PYGM: variants seen among roughly 807,000 people sequenced by gnomAD.
PYGM encodes glycogen phosphorylase, muscle associated, also known as glycogen phosphorylase, muscle form.
Under a neutral mutation model 99.3 loss-of-function variants are expected in PYGM, and 81 were observed. The ratio of observed to expected loss-of-function variants is 0.82; its 90% CI spans 0.68 to 0.98. The LOEUF (loss-of-function observed/expected upper bound fraction) is 0.98, where lower values mean the gene tolerates loss of function less well. PYGM is among the 50% of genes least tolerant of loss of function. The pLI, the probability that PYGM is intolerant of heterozygous loss-of-function variation, is 0.00. For synonymous variants in PYGM, 436 were observed against 451.5 expected (o/e 0.97, Z 0.44); for missense variants, 1,030 against 1,158.1 (o/e 0.89, Z 1.61).
rs1477178380 is a variant in PYGM, at chr11:64,746,917, T to C, written c.2379+4A>G. The C allele has an allele frequency of 6.2e-7, 1 of 1,614,034 alleles. No individual in the cohort carries two copies. The highest frequency in any genetic ancestry group is 8.5e-7 in the Non-Finnish European group (1 of 1,180,016). ...CTGCCAACCCCTGGCCCAGGACCCC[T>C]CACCTTGTACAAGGCGCTGACTTTC... On this transcript the variant is annotated splice_donor_region_variant and intron_variant, in intron 19 of 19. Transcript: ENST00000164139.
At position 64,751,387 on chromosome 11, in the gene PYGM, G is replaced by T; in HGVS notation, c.1907C>A (p.Ala636Glu). ...AIGDVVNHDP[A>E]VGDRLRVIFL... is the part of the protein sequence containing the mutation. ...GATGACACGGAGGCGGTCACCCACT[G>T]CCGGGTCATGGTTGACCACATCCCC... Residue 636 changes from alanine to glutamate, a missense_variant, in exon 16 of 20, where the codon GCA becomes GAA. Transcript: ENST00000164139. 6.2e-7 allele frequency: 1 copy of T among 1,614,158 alleles called. No homozygotes were observed. The highest frequency in any genetic ancestry group is 8.5e-7 in the Non-Finnish European group (1 of 1,180,026).
In PYGM at chr11:64,755,728, G is replaced by C. The variant is rs112802772; in HGVS notation, c.661-170C>G. ...GCAAACCCCATAGTCTCTCTGGACC[G>C]CATCTAGAGCAAAGACACCCTCAAC... On this transcript the variant is annotated intron_variant, in intron 5 of 19. Transcript: ENST00000164139. This position sits in a 1 kb window ranked among gnomAD's most constrained non-coding sequence, Gnocchi z 4.1. Among the ~76,000 whole-genome samples the C allele has an allele frequency of 6.6e-6, 1 of 152,206 alleles. No individual in the cohort carries two copies. Among genetic ancestry groups the C allele is most frequent in the Non-Finnish European group, 1.5e-5 (1 of 68,032 alleles).
chr11:64,757,310 G>A (rs1047921609), intron 5 of PYGM, among the ~76,000 whole-genome samples: 2 of 151,998 alleles, frequency 1.3e-5, no homozygotes, highest in African/African-American at 2.4e-5. Context: ...CTGTCACCTC[G>A]GCCTTCTAAA....
rs772950956 is a variant in PYGM at position 64,755,406 on chromosome 11, C to T, written c.772+41G>A. 40 of 1,612,238 alleles carry T rather than the reference C, an allele frequency of 2.5e-5. No homozygotes were observed. In the Admixed American group the frequency reaches 4.8e-4, roughly 19 times the overall value. On this transcript the variant is annotated intron_variant, in intron 6 of 19. Transcript: ENST00000164139. This position sits in a 1 kb window ranked among gnomAD's most constrained non-coding sequence, Gnocchi z 4.1. ...TAAGGCCTGCGCTGGGCGTGGCCGGCGGGCAAGCTGGGGTTGCTGGCTACC... is the reference window on the plus strand; with the variant it reads ...TAAGGCCTGCGCTGGGCGTGGCCGGTGGGCAAGCTGGGGTTGCTGGCTACC...
rs1045304148 is a variant in PYGM, at chr11:64,746,819, A to C, written c.2380-11T>G. ...CCACTCTCTTGGGTTCTGCAGGTCA[A>C]AGGGAAGCTCTGGTTCACTCTGCTG... On this transcript the variant is annotated splice_polypyrimidine_tract_variant and intron_variant, in intron 19 of 19. Transcript: ENST00000164139. 12 of 1,614,030 alleles carry C rather than the reference A, an allele frequency of 7.4e-6. No individual in the cohort carries two copies. Among genetic ancestry groups the C allele is most frequent in the Non-Finnish European group, 1.0e-5 (12 of 1,180,020 alleles).
intron 5 of PYGM, among the ~76,000 whole-genome samples, chr11:64,756,652 CAT>C (rs1413965395): frequency 3.3e-5 from 5 of 152,140 alleles, no homozygotes; most frequent in Admixed American, 3.3e-4. Flanking sequence ...TGGGTTTCAC[CAT>C]ATTGGTCAGG....
chr11:64,751,761 T>C (rs1437689240), intron 14 of PYGM, 106 bp from the exon 15 acceptor site: 3 of 1,527,046 alleles, frequency 2.0e-6, no homozygotes, highest in Non-Finnish European at 2.7e-6. Context: ...AACAATCACT[T>C]GCTATGCTCT....
In PYGM at chr11:64,755,348, G is replaced by A. The variant is rs754415422; in HGVS notation, c.780C>T (p.Val260=). The A allele has an allele frequency of 4.9e-5, 79 of 1,614,002 alleles. No homozygotes were observed. The highest frequency in any genetic ancestry group is 6.4e-5 in the Non-Finnish European group (76 of 1,179,998). ...CCAACACAGCCTGGATGTAGCCACC[G>A]ACATTGACTGAGGGACAAAAGTGGG... ...PNDFNLKDFN[V]GGYIQAVLDR... The change falls in exon 7 of 20, where the codon GTC becomes GTT. Residue 260 remains valine, a synonymous_variant. Transcript: ENST00000164139. This position sits in a 1 kb window ranked among gnomAD's most constrained non-coding sequence, Gnocchi z 4.1.
chr11:64,747,686 A>T (rs2058324440), intron 17 of PYGM: 1 of 376,680 alleles, frequency 2.7e-6, no homozygotes, highest in Admixed American at 3.7e-5. Context: ...TTTCTCCTCC[A>T]GTAGCCCAAG....
At chr11:64,751,846 T>A in intron 14 of PYGM, 78 bp downstream of exon 14, 2 of 1,587,904 alleles carry the variant, frequency 1.3e-6, no homozygotes, top group Non-Finnish European at 1.7e-6. Context: ...CCAAAGGAGA[T>A]GTTGGTTGGG....
intron 15 of PYGM, 64 bp downstream of exon 15, chr11:64,751,533 T>G (rs1389681928): frequency 1.2e-6 from 2 of 1,614,010 alleles, no homozygotes; most frequent in African/African-American, 2.7e-5. Context: ...GCAACTCAGC[T>G]GGGCTGACCT....
Position 64,753,570 on chromosome 11 carries a change from T to C in PYGM, c.1352A>G (p.His451Arg). The change falls in exon 11 of 20, where the codon CAC (histidine) becomes CGC (arginine). Residue 451 changes from histidine (H) to arginine (R), a missense_variant. Transcript: ENST00000164139. ...GATGCGCGCCACGCCGTTGACGGCGTGCGACCCCGCGATGCACAGGTGTGC... is the reference window on the plus strand; with the variant it reads ...GATGCGCGCCACGCCGTTGACGGCGCGCGACCCCGCGATGCACAGGTGTGC... ...NMAHLCIAGS[H>R]AVNGVARIHS... 2 of 1,603,990 alleles carry C rather than the reference T, an allele frequency of 1.2e-6. No homozygotes were observed. The highest frequency in any genetic ancestry group is 1.7e-6 in the Non-Finnish European group (2 of 1,177,762).
chr11:64,755,631 A>T lies in PYGM; in HGVS notation c.661-73T>A. 8.3e-7 allele frequency: 1 copy of T among 1,197,610 alleles called. No individual in the cohort carries two copies. The highest frequency in any genetic ancestry group is 1.3e-5 in the South Asian group (1 of 79,150). 74.2% of individuals were successfully genotyped at this position (1,197,610 alleles called of 1,614,324 possible). On this transcript the variant is annotated intron_variant, in intron 5 of 19. Transcript: ENST00000164139. This position sits in a 1 kb window ranked among gnomAD's most constrained non-coding sequence, Gnocchi z 4.1. ...TCCCTCCCCTCAGGGCTGGGACTCA[A>T]GGCTTTATCCCTGCACTCTGCAGAC...
rs749358752 is a variant in PYGM, at chr11:64,753,580, C to T, written c.1342G>A (p.Ala448Thr). The T allele has an allele frequency of 1.2e-4, 196 of 1,606,134 alleles. No individual in the cohort carries two copies. Among genetic ancestry groups the T allele is most frequent in the Non-Finnish European group, 1.6e-4 (186 of 1,178,426 alleles). ...ACGCCGTTGACGGCGTGCGACCCCGCGATGCACAGGTGTGCCATGTTGATG... is the reference window on the plus strand; with the variant it reads ...ACGCCGTTGACGGCGTGCGACCCCGTGATGCACAGGTGTGCCATGTTGATG... ...KRINMAHLCI[A>T]GSHAVNGVAR... Residue 448 changes from alanine (A) to threonine (T), a missense_variant, in exon 11 of 20, where the codon GCG becomes ACG. Coordinates refer to ENST00000164139, the MANE Select transcript of PYGM (RefSeq NM_005609.4).
At chr11:64,757,996 G>C (rs1317426880) in intron 4 of PYGM, 86 bp from the exon 5 acceptor site, 1 of 1,574,210 alleles carries the variant, frequency 6.4e-7, no homozygotes, top group Admixed American at 1.7e-5. Context: ...GGGGGCCGTG[G>C]GCCGGTGTAC....
chr11:64,746,587 G>T lies in PYGM; in HGVS notation c.*72C>A. ...ATCTAACTCCAGTACCCCACCCTCT[G>T]CATGAGGTGCTGGGGCTGGCCCAAG... On this transcript the variant is annotated 3_prime_UTR_variant, in exon 20 of 20. Coordinates refer to ENST00000164139, the MANE Select transcript of PYGM (RefSeq NM_005609.4). The T allele has an allele frequency of 6.3e-7, 1 of 1,590,848 alleles. No homozygotes were observed. Among genetic ancestry groups the T allele is most frequent in the Non-Finnish European group, 8.6e-7 (1 of 1,162,590 alleles).
rs1355883166 is a variant in PYGM at position 64,751,933 on chromosome 11, G to C, written c.1759C>G (p.Leu587Val). 6.2e-7 allele frequency: 1 copy of C among 1,614,200 alleles called. No individual in the cohort carries two copies. Among genetic ancestry groups the C allele is most frequent in the East Asian group, 2.2e-5 (1 of 44,890 alleles). Residue 587 changes from leucine to valine, a missense_variant, in exon 14 of 20, where the codon CTG (leucine) becomes GTG (valine). By Grantham distance (32) the Leu-to-Val change is conservative (BLOSUM62 1). Transcript: ENST00000164139. ...AGTGGCTGCCACTCACGGTTGTACA[G>C]GGTGATGACATGGAGGCAGTTGAGG... ...QLLNCLHVIT[L>V]YNRIKREPNK...
chr11:64,753,116 C>T lies in PYGM; in HGVS notation c.1475G>A (p.Trp492Ter). 1.2e-6 allele frequency: 2 copies of T among 1,614,186 alleles called. No homozygotes were observed. The highest frequency in any genetic ancestry group is 1.7e-6 in the Non-Finnish European group (2 of 1,180,018). The part of the protein sequence containing the change: ...NKTNGITPRR[W>*]LVLCNPGLAE... ...CAGCCCGGGGTTACACAGAACCAGCCAGCGCCGAGGGGTGATGCCGTTGGT... is the reference window on the plus strand; with the variant it reads ...CAGCCCGGGGTTACACAGAACCAGCTAGCGCCGAGGGGTGATGCCGTTGGT... The change falls in exon 12 of 20, where the codon TGG becomes TAG. Residue 492 changes from tryptophan (W) to a stop codon, truncating the protein, a stop_gained. Coordinates refer to ENST00000164139, the MANE Select transcript of PYGM (RefSeq NM_005609.4). LOFTEE classifies it high-confidence loss of function.
rs369249618 is a variant in PYGM, at chr11:64,758,234, A to G, written c.528+12T>C. 1.1e-5 allele frequency: 18 copies of G among 1,600,694 alleles called. No individual in the cohort carries two copies. Among genetic ancestry groups the G allele is most frequent in the Non-Finnish European group, 1.5e-5 (17 of 1,167,912 alleles). ...TGACTAGACCCCACAAGTTAGAGCC[A>G]AGGCTGCTCACCTGCCAGCCCCCGG... is the stretch of plus-strand genomic sequence containing the variant. On this transcript the variant is annotated intron_variant, in intron 4 of 19. Coordinates refer to ENST00000164139, the MANE Select transcript of PYGM (RefSeq NM_005609.4).
Sources: gnomAD v4.1 joint callset for allele counts (sites outside exome capture counted in the v4.1 genomes callset) on GRCh38, gnomAD v4.1.1 for gene constraint, Gnocchi (gnomAD v3.1) non-coding constraint, MANE v1.5 for transcripts, NCBI Gene and HGNC (gene_info 2026-07-23, HGNC 2026-07-21) for gene names.